GOLM2: variants seen among roughly 807,000 people sequenced by gnomAD.
GOLM2 encodes the protein protein GOLM2.
A neutral mutation model predicts 55.9 loss-of-function variants in GOLM2; 26 were observed. The observed-to-expected ratio is 0.47, with a 90% CI of 0.34 to 0.65. GOLM2 has a LOEUF of 0.65. Ranked by LOEUF, GOLM2 falls within the 30% of genes least tolerant of loss-of-function variation. The pLI, the probability that GOLM2 is intolerant of heterozygous loss-of-function variation, is 0.01. For synonymous variants in GOLM2, 165 were observed against 194.6 expected (o/e 0.85, Z 1.27); for missense variants, 486 against 531.8 (o/e 0.91, Z 0.85).
intron 6 of GOLM2, among the ~76,000 whole-genome samples, chr15:44,358,759 A>G (rs76134677): frequency 0.068 from 10,357 of 152,288 alleles, 638 homozygotes; most frequent in East Asian, 0.19. Flanking sequence ...GAAGACAACA[A>G]GAGAAAACCT....
At chr15:44,310,464 A>C (rs1422551592) in intron 1 of GOLM2, among the ~76,000 whole-genome samples, 2,220 of 135,626 alleles carry the variant, frequency 0.016, 20 homozygotes, top group African/African-American at 0.031. Flanking sequence ...CTATATATAT[A>C]TATATGTATA....
intron 1 of GOLM2, among the ~76,000 whole-genome samples, chr15:44,316,307 G>A (rs1272946800): frequency 1.3e-5 from 2 of 151,872 alleles, no homozygotes; most frequent in Non-Finnish European, 2.9e-5. Context: ...TTCAGCCTGG[G>A]CAACACAGTG....
intron 4 of GOLM2, among the ~76,000 whole-genome samples, chr15:44,334,872 A>T (rs994025625): frequency 6.6e-6 from 1 of 152,150 alleles, no homozygotes; most frequent in Non-Finnish European, 1.5e-5. Context: ...TCTACTAAAA[A>T]TACAAAAAGT....
chr15:44,309,722 T>C (rs2078861010), intron 1 of GOLM2, among the ~76,000 whole-genome samples: 2 of 152,222 alleles, frequency 1.3e-5, no homozygotes, highest in African/African-American at 4.8e-5. Context: ...TGGCATAAAC[T>C]TTTTGACAAT....
intron 8 of GOLM2, among the ~76,000 whole-genome samples, chr15:44,401,143 T>G (rs1051211891): frequency 2.0e-5 from 3 of 152,188 alleles, no homozygotes; most frequent in African/African-American, 7.2e-5. Context: ...AGATAGAGTC[T>G]TGCTGTTGCG....
intron 1 of GOLM2, among the ~76,000 whole-genome samples, 190 bp from the exon 2 acceptor site, chr15:44,322,775 C>T (rs963173382): frequency 6.6e-6 from 1 of 152,050 alleles, no homozygotes; most frequent in East Asian, 1.9e-4. Flanking sequence ...AATGAATTTT[C>T]TTGTGCAAAT....
chr15:44,294,469 C>T (rs2078741975), intron 1 of GOLM2, among the ~76,000 whole-genome samples: 1 of 151,710 alleles, frequency 6.6e-6, no homozygotes, highest in Non-Finnish European at 1.5e-5. Context: ...AATCCCAGCA[C>T]TTTGGGAGGC....
At chr15:44,327,290 C>T (rs1435225780) in intron 2 of GOLM2, among the ~76,000 whole-genome samples, 1 of 151,578 alleles carries the variant, frequency 6.6e-6, no homozygotes, top group Non-Finnish European at 1.5e-5. Flanking sequence ...CATGGTGGCT[C>T]ACGTCTGTAA....
At chr15:44,402,166 A>C (rs879818401) in intron 8 of GOLM2, among the ~76,000 whole-genome samples, 3 of 151,212 alleles carry the variant, frequency 2.0e-5, no homozygotes, top group Non-Finnish European at 4.4e-5. Flanking sequence ...AATGTGTATA[A>C]TATACTGGCC....
At chr15:44,324,215 A>T (rs2078968219) in intron 2 of GOLM2, among the ~76,000 whole-genome samples, 2 of 152,254 alleles carry the variant, frequency 1.3e-5, no homozygotes. Context: ...ACTGTTTATT[A>T]AATAGATCAG....
At chr15:44,398,588 A>G (rs2079542607) in intron 8 of GOLM2, among the ~76,000 whole-genome samples, 1 of 151,944 alleles carries the variant, frequency 6.6e-6, no homozygotes, top group Admixed American at 6.6e-5. Context: ...AGTGACCACA[A>G]GTGAATATAG....
At chr15:44,348,113 G>A (rs1446124436) in intron 6 of GOLM2, among the ~76,000 whole-genome samples, 2 of 152,048 alleles carry the variant, frequency 1.3e-5, no homozygotes, top group Non-Finnish European at 2.9e-5. Context: ...CTGGCTTCAG[G>A]TATGACCCAG....
intron 8 of GOLM2, among the ~76,000 whole-genome samples, chr15:44,391,163 A>G (rs751911221): frequency 3.9e-5 from 6 of 152,214 alleles, no homozygotes; most frequent in Non-Finnish European, 7.3e-5. Context: ...TTACTAATTC[A>G]GGGTCACTGT....
intron 1 of GOLM2, among the ~76,000 whole-genome samples, chr15:44,322,387 A>G (rs1321071214): frequency 1.3e-5 from 2 of 152,188 alleles, no homozygotes; most frequent in East Asian, 1.9e-4. Flanking sequence ...TCATTTTTCC[A>G]TGGTGCTACT....
chr15:44,363,321 T>G (rs554948143), intron 6 of GOLM2, among the ~76,000 whole-genome samples: 1 of 152,156 alleles, frequency 6.6e-6, no homozygotes, highest in African/African-American at 2.4e-5. Flanking sequence ...ATCCAGAATC[T>G]ACAATGAACT....
At chr15:44,304,926 A>G (rs1169276394) in intron 1 of GOLM2, among the ~76,000 whole-genome samples, 1 of 152,162 alleles carries the variant, frequency 6.6e-6, no homozygotes, top group Non-Finnish European at 1.5e-5. Flanking sequence ...AATCCCCTCA[A>G]AATCATTCAT....
In GOLM2 at chr15:44,295,199, C is replaced by T. The variant is rs2078748203; in HGVS notation, c.327+5843C>T. ...GGCTGAAGTGATTCTCCTGCCTCAT[C>T]CTCCTGAGTAGCTGAGACTACAGGT... On this transcript the variant is annotated intron_variant, in intron 1 of 9. Transcript: ENST00000299957. 2.0e-5 allele frequency among the ~76,000 whole-genome samples: 3 copies of T among 152,098 alleles called. No homozygotes were observed. In the South Asian group the frequency reaches 6.2e-4, roughly 31 times the overall value.
chr15:44,288,951 G>A lies in GOLM2; in HGVS notation c.-79G>A, dbSNP rs1044425831. 8.0e-6 allele frequency: 11 copies of A among 1,369,030 alleles called. No individual in the cohort carries two copies. In the African/African-American group the frequency reaches 1.4e-4, roughly 18 times the overall value. 84.8% of individuals were successfully genotyped at this position (1,369,030 alleles called of 1,614,324 possible). A position where few individuals can be genotyped will look rare whatever the true frequency, so the allele number is the denominator to read the frequency against. On this transcript the variant is annotated 5_prime_UTR_variant, in exon 1 of 10. Transcript: ENST00000299957. The stretch of plus-strand genomic sequence containing the variant: ...GCCGGCCCTGGGGCCGTGTCCGCCG[G>A]GCAACTCCAGCCGAGGCCTGGGCTT...
At chr15:44,413,120 T>G (rs2079649670) in intron 9 of GOLM2, among the ~76,000 whole-genome samples, 1 of 152,230 alleles carries the variant, frequency 6.6e-6, no homozygotes, top group Non-Finnish European at 1.5e-5. Context: ...GTCATCTATG[T>G]CTATTTTCTA....
Sources: allele counts gnomAD v4.1 joint callset (sites outside exome capture counted in the v4.1 genomes callset), GRCh38; gene constraint gnomAD v4.1.1; transcripts MANE v1.5; gene names NCBI Gene and HGNC (gene_info 2026-07-23, HGNC 2026-07-21).